The following SERPINA12 variants were observed in gnomAD, a reference collection of about 807,000 sequenced individuals.
SERPINA12 encodes serpin family A member 12.
Under a neutral mutation model 25.9 loss-of-function variants are expected in SERPINA12, and 21 were observed. The observed-to-expected ratio is 0.81, with a 90% CI of 0.58 to 1.17. The LOEUF (loss-of-function observed/expected upper bound fraction) is 1.17, where lower values mean the gene tolerates loss of function less well. SERPINA12 is among the 50% of genes most tolerant of loss of function. The pLI, the probability that SERPINA12 is intolerant of heterozygous loss-of-function variation, is 0.00. For synonymous variants in SERPINA12, 220 were observed against 196.0 expected, an observed-to-expected ratio of 1.12 and a Z score of -1.02; for missense variants, 562 against 508.3, an observed-to-expected ratio of 1.11 and a Z score of -1.02.
chr14:94,498,932 CA>C (rs1900591737), intron 1 of SERPINA12, among the ~76,000 whole-genome samples: 1 of 152,110 alleles, frequency 6.6e-6, no homozygotes. Flanking sequence ...CCATGGTTTC[CA>C]CATGTAGAAG....
chr14:94,506,994 C>T (rs1900951750), intron 1 of SERPINA12, among the ~76,000 whole-genome samples: 1 of 152,192 alleles, frequency 6.6e-6, no homozygotes, highest in Non-Finnish European at 1.5e-5. Context: ...CCAACAGAGC[C>T]ACACAGGAAG....
intron 1 of SERPINA12, among the ~76,000 whole-genome samples, chr14:94,516,617 C>T (rs1901241534): frequency 6.6e-6 from 1 of 152,216 alleles, no homozygotes; most frequent in African/African-American, 2.4e-5. Context: ...TCTCTCGTAG[C>T]CAACTCTTAC....
At chr14:94,503,879 T>C (rs1900834742) in intron 1 of SERPINA12, among the ~76,000 whole-genome samples, 1 of 152,178 alleles carries the variant, frequency 6.6e-6, no homozygotes, top group African/African-American at 2.4e-5. Flanking sequence ...GTCCCAAGAC[T>C]TCTCCCATCC....
chr14:94,503,414 A>G (rs1566813433), intron 1 of SERPINA12: 1 of 593,226 alleles, frequency 1.7e-6, no homozygotes, highest in Non-Finnish European at 2.1e-6. Context: ...GGGGCACTAG[A>G]GCAATGCCCA....
intron 1 of SERPINA12, among the ~76,000 whole-genome samples, chr14:94,507,487 A>G (rs1403341215): frequency 2.6e-5 from 4 of 152,238 alleles, no homozygotes; most frequent in South Asian, 2.1e-4. Context: ...GTTTTTAAGC[A>G]CTTCTACAAA....
At chr14:94,494,816 G>GAT (rs1013520865) in intron 3 of SERPINA12, among the ~76,000 whole-genome samples, 13 of 152,114 alleles carry the variant, frequency 8.5e-5, no homozygotes, top group African/African-American at 2.9e-4. Context: ...TGGTGTTGGC[G>GAT]ATATTATGGC....
intron 1 of SERPINA12, among the ~76,000 whole-genome samples, chr14:94,499,806 G>GT (rs1900634575): frequency 6.6e-6 from 1 of 152,266 alleles, no homozygotes; most frequent in Admixed American, 6.5e-5. Flanking sequence ...CTGGTCCACA[G>GT]TGGGAGGGCT....
chr14:94,515,455 G>A (rs1901209213), intron 2 of SERPINA12, among the ~76,000 whole-genome samples: 1 of 152,156 alleles, frequency 6.6e-6, no homozygotes. Context: ...TGAAGGAGCA[G>A]GGAGCCACCC....
At chr14:94,499,878 C>A (rs1444617705) in intron 1 of SERPINA12, among the ~76,000 whole-genome samples, 5 of 152,176 alleles carry the variant, frequency 3.3e-5, no homozygotes, top group Admixed American at 2.6e-4. Flanking sequence ...CCTCTGGATG[C>A]AGGTCATGGT....
At chr14:94,507,456 TCTGATAAAAGG>T in intron 1 of SERPINA12, among the ~76,000 whole-genome samples, 1 of 152,350 alleles carries the variant, frequency 6.6e-6, no homozygotes, top group Admixed American at 6.5e-5. Flanking sequence ...AATGTCTGTG[TCTGATAAAAGG>T]CTCATGCCTG....
upstream of SERPINA12, among the ~76,000 whole-genome samples, chr14:94,511,045 C>G (rs1233610804): frequency 6.6e-6 from 1 of 152,040 alleles, no homozygotes; most frequent in South Asian, 2.1e-4. Context: ...CGCTAAATAA[C>G]TTAATCCAAG....
chr14:94,501,186 A>G lies in SERPINA12; in HGVS notation c.-33-2756T>C, dbSNP rs560589771. 6.1e-6 allele frequency: 6 copies of G among 985,216 alleles called. No individual in the cohort carries two copies. The African/African-American group carries it at 8.7e-5, about 14-fold the overall frequency. The allele number at this position is 985,216 out of a possible 1,614,324, so 61.0% of individuals were successfully genotyped here. On this transcript the variant is annotated intron_variant, in intron 1 of 4. Transcript: ENST00000677451. The stretch of plus-strand genomic sequence containing the variant: ...GGGTTTAGGGGGCTGCACTGTTTAC[A>G]AAGGCTGCCTGGATTAAAAATAGAA...
At chr14:94,501,527 T>C (rs1258679600) in intron 1 of SERPINA12, among the ~76,000 whole-genome samples, 1 of 152,182 alleles carries the variant, frequency 6.6e-6, no homozygotes, top group Non-Finnish European at 1.5e-5. Context: ...CTTGTGTGTT[T>C]GTTAGGTGTT....
Position 94,504,803 on chromosome 14 carries a change from G to C in SERPINA12, c.-34+4539C>G, listed in dbSNP as rs571673191. On this transcript the variant is annotated intron_variant, in intron 1 of 4. Transcript: ENST00000677451. ...CTTGTGCTGGGGTGATGAGACTATG[G>C]CTGAACTCTGTTGTCTCTGCCTCCC... is the stretch of plus-strand genomic sequence containing the variant. Among the ~76,000 whole-genome samples the C allele has an allele frequency of 1.6e-4, 24 of 152,292 alleles. No individual in the cohort carries two copies. The South Asian group carries it at 3.5e-3, about 22-fold the overall frequency.
intron 1 of SERPINA12, among the ~76,000 whole-genome samples, chr14:94,504,577 G>A (rs544647506): frequency 6.6e-6 from 1 of 152,334 alleles, no homozygotes; most frequent in African/African-American, 2.4e-5. Flanking sequence ...ATTTTTTCAT[G>A]TGTTCCAAAT....
upstream of SERPINA12, among the ~76,000 whole-genome samples, chr14:94,513,067 T>C (rs1275028203): frequency 6.6e-6 from 1 of 152,204 alleles, no homozygotes; most frequent in African/African-American, 2.4e-5. Flanking sequence ...GAAGCAGCCA[T>C]CCCACGGCTC....
chr14:94,487,547 G>T, intron 4 of SERPINA12, 53 bp from the exon 5 acceptor site: 1 of 1,494,896 alleles, frequency 6.7e-7, no homozygotes, highest in Non-Finnish European at 9.1e-7. Flanking sequence ...GGCGACCACA[G>T]TGGGCCGGAG....
At chr14:94,504,445 TG>T (rs1238913674) in intron 1 of SERPINA12, among the ~76,000 whole-genome samples, 1 of 152,240 alleles carries the variant, frequency 6.6e-6, no homozygotes, top group African/African-American at 2.4e-5. Flanking sequence ...TACAAGTAGA[TG>T]AGCCTAGAGT....
At chr14:94,498,541 T>C in intron 1 of SERPINA12, 111 bp from the exon 2 acceptor site, 4 of 860,338 alleles carry the variant, frequency 4.6e-6, no homozygotes, top group Non-Finnish European at 7.1e-6. Flanking sequence ...TACATAGCAG[T>C]TTATGAGTGC....
Sources: allele counts gnomAD v4.1 joint callset (sites outside exome capture counted in the v4.1 genomes callset), GRCh38; gene constraint gnomAD v4.1.1; transcripts MANE v1.5; gene names NCBI Gene and HGNC (gene_info 2026-07-23, HGNC 2026-07-21).